RYR2: variants seen among roughly 807,000 people sequenced by gnomAD.
RYR2 encodes the protein cardiac muscle ryanodine receptor-calcium release channel.
In RYR2, 227 loss-of-function variants were observed where a neutral mutation model predicts 601.1. The observed-to-expected ratio is 0.38, with a 90% CI of 0.34 to 0.42. The LOEUF (loss-of-function observed/expected upper bound fraction) is 0.42. Ranked by LOEUF, RYR2 falls within the 10% of genes least tolerant of loss-of-function variation. The probability of loss-of-function intolerance (pLI) is 1.00; values close to 1 mark genes in which losing one functional copy is unlikely to be tolerated. For synonymous variants in RYR2, 2,223 were observed against 2,175.1 expected (o/e 1.02, Z -0.61); for missense variants, 4,646 against 6,156.5 (o/e 0.75, Z 8.21).
intron 80 of RYR2, among the ~76,000 whole-genome samples, chr1:237,752,111 T>G (rs1367177958): frequency 1.3e-5 from 2 of 152,210 alleles, no homozygotes; most frequent in Non-Finnish European, 2.9e-5. Flanking sequence ...CTGTACTGGA[T>G]GTACAGTATG....
chr1:237,364,597 T>C (rs1700048541), intron 5 of RYR2, among the ~76,000 whole-genome samples: 1 of 152,090 alleles, frequency 6.6e-6, no homozygotes, highest in African/African-American at 2.4e-5. Flanking sequence ...TCACATGCTT[T>C]TAAAAGGTTT....
intron 62 of RYR2, among the ~76,000 whole-genome samples, chr1:237,685,813 T>A (rs1336142058): frequency 6.6e-6 from 1 of 152,172 alleles, no homozygotes; most frequent in Non-Finnish European, 1.5e-5. Context: ...TTATGTCTAG[T>A]AGCCACTTGA....
chr1:237,766,187 C>A (rs1474771486), intron 84 of RYR2, among the ~76,000 whole-genome samples: 1 of 152,048 alleles, frequency 6.6e-6, no homozygotes, highest in Non-Finnish European at 1.5e-5. Flanking sequence ...CTCTGCCCTG[C>A]CAAGGAATCT....
At chr1:237,575,501 A>G (rs1673133425) in intron 29 of RYR2, among the ~76,000 whole-genome samples, 1 of 152,180 alleles carries the variant, frequency 6.6e-6, no homozygotes, top group Admixed American at 6.5e-5. Context: ...GGGGACAAGA[A>G]CAAGGGTAAT....
chr1:237,822,043 C>T (rs7517343), intron 101 of RYR2, among the ~76,000 whole-genome samples: 111,968 of 151,852 alleles, frequency 0.74, 41,715 homozygotes, highest in Middle Eastern at 0.79. Context: ...ACCAAATATA[C>T]GTTTGATTGG....
intron 1 of RYR2, among the ~76,000 whole-genome samples, chr1:237,119,818 C>T (rs1395567103): frequency 1.3e-5 from 2 of 152,176 alleles, no homozygotes; most frequent in Admixed American, 1.3e-4. Flanking sequence ...CACATCTCTG[C>T]CTTGACCTTC....
At chr1:237,660,148 T>A in intron 55 of RYR2, 74 bp downstream of exon 55, 1 of 826,348 alleles carries the variant, frequency 1.2e-6, no homozygotes, top group Non-Finnish European at 1.7e-6. Flanking sequence ...GTTATATTTT[T>A]TATATTAAAA....
chr1:237,104,129 C>T (rs1668418268), intron 1 of RYR2, among the ~76,000 whole-genome samples: 2 of 152,154 alleles, frequency 1.3e-5, no homozygotes, highest in South Asian at 4.1e-4. Context: ...CCATCCATCT[C>T]CCACCTTTTC....
intron 1 of RYR2, among the ~76,000 whole-genome samples, chr1:237,160,790 T>G (rs1675924689): frequency 6.6e-6 from 1 of 152,128 alleles, no homozygotes; most frequent in South Asian, 2.1e-4. Flanking sequence ...ACTAAGAAAC[T>G]AAGAGTTGAT....
Position 237,708,873 on chromosome 1 carries a change from T to C in RYR2, c.9917T>C (p.Ile3306Thr). 1 of 1,610,452 alleles carries C rather than the reference T, an allele frequency of 6.2e-7. No homozygotes were observed. Among genetic ancestry groups the C allele is most frequent in the Non-Finnish European group, 8.5e-7 (1 of 1,177,466 alleles). The change falls in exon 69 of 105, where the codon ATA becomes ACA. Residue 3306 changes from isoleucine (I) to threonine (T), a missense_variant. Around this residue, in one of 17 missense-constraint regions of RYR2, gnomAD observed 1,497 missense variants for 1,842.6 expected, o/e 0.81. Coordinates refer to ENST00000366574, the MANE Select transcript of RYR2 (RefSeq NM_001035.3). ...MKRLAVFSQP[I>T]INKVKPQLLK... ...CTTTAAACAGTGTTTTCCCAGCCTA[T>C]AATAAATAAAGTGAAACCTCAGCTC...
chr1:237,558,828 C>T (rs544650523), intron 27 of RYR2, among the ~76,000 whole-genome samples: 10 of 152,162 alleles, frequency 6.6e-5, no homozygotes, highest in East Asian at 3.9e-4. Flanking sequence ...ACTTGACTAA[C>T]GGACTTATCT....
Position 237,674,862 on chromosome 1 carries a change from C to G in RYR2, c.8830+16C>G. 7.2e-7 allele frequency: 1 copy of G among 1,381,380 alleles called. No homozygotes were observed. The highest frequency in any genetic ancestry group is 1.0e-6 in the Non-Finnish European group (1 of 972,722). 85.6% of individuals were successfully genotyped at this position (1,381,380 alleles called of 1,614,324 possible). A position where few individuals can be genotyped will look rare whatever the true frequency, so the allele number is the denominator to read the frequency against. ...CTGGAGTTTGGTAGGTACCATAGTC[C>G]CATTGCTAATAGCCCAGTGTTTGTT... On this transcript the variant is annotated intron_variant, in intron 60 of 104. Transcript: ENST00000366574.
intron 1 of RYR2, among the ~76,000 whole-genome samples, chr1:237,110,024 C>T (rs1669270542): frequency 6.6e-6 from 1 of 152,180 alleles, no homozygotes; most frequent in Admixed American, 6.5e-5. Flanking sequence ...CCCCCGGCCC[C>T]ACTTTCTAAC....
At chr1:237,612,326 A>G in intron 36 of RYR2, among the ~76,000 whole-genome samples, 1 of 152,138 alleles carries the variant, frequency 6.6e-6, no homozygotes, top group East Asian at 1.9e-4. Context: ...TTGGGATGAT[A>G]AAAGTGTTCT....
At chr1:237,538,556 G>T (rs1354213785) in intron 25 of RYR2, among the ~76,000 whole-genome samples, 2 of 151,536 alleles carry the variant, frequency 1.3e-5, no homozygotes, top group African/African-American at 4.8e-5. Context: ...CGGATCACTT[G>T]AGGTCAGGAG....
intron 98 of RYR2, among the ~76,000 whole-genome samples, chr1:237,803,425 T>G (rs536404696): frequency 4.6e-5 from 7 of 152,044 alleles, no homozygotes; most frequent in Non-Finnish European, 7.4e-5. Flanking sequence ...CTCAGCCTCC[T>G]GAGTAGCTGG....
rs897886486 is a variant in RYR2 at position 237,550,486 on chromosome 1, C to A, written c.3067-58C>A. On this transcript the variant is annotated intron_variant, in intron 26 of 104. Coordinates refer to ENST00000366574, the MANE Select transcript of RYR2 (RefSeq NM_001035.3). ...TAAAGTTTGATGTATTTGGTAGCTA[C>A]TTATTTCTAAAAGCCCTTGGTATTG... The A allele has an allele frequency of 7.7e-6, 12 of 1,567,550 alleles. No homozygotes were observed. The African/African-American group carries it at 1.6e-4, about 21-fold the overall frequency.
intron 17 of RYR2, among the ~76,000 whole-genome samples, chr1:237,473,439 T>A (rs895493022): frequency 1.0e-5 from 1 of 96,150 alleles, no homozygotes; most frequent in Non-Finnish European, 2.7e-5. Flanking sequence ...CTCTCTTTCT[T>A]TCTTTCTTTC....
intron 78 of RYR2, among the ~76,000 whole-genome samples, chr1:237,732,684 G>C (rs12089232): frequency 6.3e-4 from 96 of 152,218 alleles, no homozygotes; most frequent in African/African-American, 2.3e-3. Context: ...GCCACAAAGG[G>C]CAAACCTCTC....
Sources: allele counts gnomAD v4.1 joint callset (sites outside exome capture counted in the v4.1 genomes callset), GRCh38; gene constraint gnomAD v4.1.1; regional missense constraint gnomAD v4.1.1; transcripts MANE v1.5; gene names NCBI Gene and HGNC (gene_info 2026-07-23, HGNC 2026-07-21).